The following HMG20A variants were observed in gnomAD, a reference collection of about 807,000 sequenced individuals.
HMG20A encodes high mobility group 20A, also known as high mobility group protein 20A.
In HMG20A, 17 loss-of-function variants were observed where a neutral mutation model predicts 43.9. That is an observed-to-expected ratio of 0.39 (90% CI 0.27 to 0.58). The LOEUF (loss-of-function observed/expected upper bound fraction) is 0.58. Among genes scored for constraint, HMG20A ranks in the 20% least tolerant of loss-of-function variants. The probability of loss-of-function intolerance (pLI) is 0.59; values close to 1 mark genes in which losing one functional copy is unlikely to be tolerated. For synonymous variants in HMG20A, 132 were observed against 147.5 expected (o/e 0.89, Z 0.76); for missense variants, 341 against 438.2 (o/e 0.78, Z 1.98).
At position 77,484,732 on chromosome 15, in the gene HMG20A, T is replaced by C. The variant is rs1192999344; in HGVS notation, c.*1769T>C. 6.6e-6 allele frequency: 1 copy of C among 152,280 alleles called. No homozygotes were observed. The allele number at this position is 152,280 out of a possible 1,614,324, so 9.4% of individuals were successfully genotyped here. A position where few individuals can be genotyped will look rare whatever the true frequency, so the allele number is the denominator to read the frequency against. On this transcript the variant is annotated 3_prime_UTR_variant, in exon 10 of 10. Coordinates refer to ENST00000336216, the MANE Select transcript of HMG20A (RefSeq NM_001304504.2). Reference sequence around the variant, plus strand: ...ATAAACCTAGCCAGTTCTCTTGCTCTTCTGTATTTTCCTATTTCCCTGCCA... The same window carrying C: ...ATAAACCTAGCCAGTTCTCTTGCTCCTCTGTATTTTCCTATTTCCCTGCCA...
chr15:77,421,133 C>A, intron 1 of HMG20A, 129 bp downstream of exon 1: 1 of 362,222 alleles, frequency 2.8e-6, no homozygotes, highest in Non-Finnish European at 4.9e-6. Context: ...GGGGGCGCCT[C>A]AACTTCCGGT....
At chr15:77,497,682 A>AGAGTGTGTGTGT in the HMG20A span, among the ~76,000 whole-genome samples, 16 of 118,982 alleles carry the variant, frequency 1.3e-4, no homozygotes, top group African/African-American at 5.1e-4. Flanking sequence ...AGAGAGAGAG[A>AGAGTGTGTGTGT]GTGTGTGTGT....
the HMG20A span, among the ~76,000 whole-genome samples, chr15:77,499,795 TA>T: frequency 6.6e-6 from 1 of 152,122 alleles, no homozygotes; most frequent in African/African-American, 2.4e-5. Context: ...GCAACTTTTC[TA>T]AAATGCAAGA....
chr15:77,448,350 ACCT>A (rs2073698094), intron 1 of HMG20A, among the ~76,000 whole-genome samples: 2 of 151,988 alleles, frequency 1.3e-5, no homozygotes, highest in South Asian at 4.2e-4. Flanking sequence ...CACATTTGCC[ACCT>A]CCTCAGTCAC....
At chr15:77,444,424 C>G (rs2073650629) in intron 1 of HMG20A, among the ~76,000 whole-genome samples, 1 of 152,096 alleles carries the variant, frequency 6.6e-6, no homozygotes, top group Admixed American at 6.5e-5. Context: ...CAGATTTTGT[C>G]AGATTTTAGT....
the HMG20A span, among the ~76,000 whole-genome samples, chr15:77,504,194 C>A: frequency 6.6e-6 from 1 of 152,176 alleles, no homozygotes; most frequent in Non-Finnish European, 1.5e-5. Flanking sequence ...CCTGTGGGAA[C>A]AAGAGGAAAT....
intron 1 of HMG20A, among the ~76,000 whole-genome samples, chr15:77,453,843 A>T (rs1295815394): frequency 6.6e-6 from 1 of 152,134 alleles, no homozygotes; most frequent in Admixed American, 6.5e-5. Flanking sequence ...GTATGATTCT[A>T]TTTATATGAA....
intron 4 of HMG20A, among the ~76,000 whole-genome samples, chr15:77,467,651 T>G (rs958388210): frequency 2.0e-5 from 3 of 152,210 alleles, no homozygotes; most frequent in Admixed American, 6.5e-5. Flanking sequence ...GTGAATTAAA[T>G]GAGAAAAAGT....
At chr15:77,467,461 C>G (rs1452270250) in intron 4 of HMG20A, among the ~76,000 whole-genome samples, 154 bp downstream of exon 4, 1 of 152,214 alleles carries the variant, frequency 6.6e-6, no homozygotes, top group East Asian at 1.9e-4. Context: ...GCAATTTTCT[C>G]TAGCCTAGTG....
chr15:77,445,881 T>G (rs1315552865), intron 1 of HMG20A, among the ~76,000 whole-genome samples: 4 of 152,212 alleles, frequency 2.6e-5, no homozygotes, highest in African/African-American at 9.6e-5. Flanking sequence ...AGTGTATAAC[T>G]TAAAACTTAT....
Position 77,458,504 on chromosome 15 carries a change from G to A in HMG20A, c.89+8G>A. 6.3e-7 allele frequency: 1 copy of A among 1,594,608 alleles called. No homozygotes were observed. The highest frequency in any genetic ancestry group is 8.6e-7 in the Non-Finnish European group (1 of 1,162,544). On this transcript the variant is annotated splice_region_variant and intron_variant, in intron 2 of 9. Coordinates refer to ENST00000336216, the MANE Select transcript of HMG20A (RefSeq NM_001304504.2). ...TGATCTGGCTACCACTGGGTAAGCAGCTGCTTTAGGACACTGGACTTCTCC... is the reference window on the plus strand; with the variant it reads ...TGATCTGGCTACCACTGGGTAAGCAACTGCTTTAGGACACTGGACTTCTCC...
At chr15:77,427,423 T>C (rs1278518387) in intron 1 of HMG20A, among the ~76,000 whole-genome samples, 1 of 152,194 alleles carries the variant, frequency 6.6e-6, no homozygotes, top group East Asian at 1.9e-4. Context: ...CTAGATATGA[T>C]ACCTACATTT....
chr15:77,479,525 T>G, intron 9 of HMG20A: 1 of 497,378 alleles, frequency 2.0e-6, no homozygotes, highest in Non-Finnish European at 3.5e-6. Context: ...CTTGGGAGGC[T>G]GAGGTGGGAG....
At chr15:77,490,366 CAG>C (rs772728669), downstream of HMG20A, among the ~76,000 whole-genome samples, 1 of 152,118 alleles carries the variant, frequency 6.6e-6, no homozygotes, top group Non-Finnish European at 1.5e-5. Flanking sequence ...AGAGAAGAAT[CAG>C]AGAGACTAGG....
chr15:77,515,757 A>C, the HMG20A span, among the ~76,000 whole-genome samples: 1 of 152,142 alleles, frequency 6.6e-6, no homozygotes, highest in African/African-American at 2.4e-5. Context: ...CTGCATGAAC[A>C]TGGGGCCACC....
chr15:77,480,476 G>A (rs1252937415), intron 9 of HMG20A, among the ~76,000 whole-genome samples: 2 of 151,704 alleles, frequency 1.3e-5, no homozygotes, highest in Non-Finnish European at 2.9e-5. Context: ...AGCTGAGCAT[G>A]ATGGCGCACA....
intron 1 of HMG20A, among the ~76,000 whole-genome samples, chr15:77,426,691 G>A (rs985217856): frequency 1.6e-4 from 25 of 152,118 alleles, no homozygotes; most frequent in African/African-American, 4.8e-4. Flanking sequence ...TACACTAAAG[G>A]GGTCAGTTTT....
chr15:77,496,793 T>G, the HMG20A span, among the ~76,000 whole-genome samples: 23 of 152,078 alleles, frequency 1.5e-4, no homozygotes, highest in African/African-American at 5.6e-4. Context: ...CAAGGCAAAT[T>G]CCCCACATTC....
chr15:77,519,694 A>G, the HMG20A span, among the ~76,000 whole-genome samples: 2 of 152,208 alleles, frequency 1.3e-5, no homozygotes, highest in African/African-American at 4.8e-5. Context: ...TCAGAACTGC[A>G]AGCAAAAAAA....
Sources: gnomAD v4.1 joint callset for allele counts (sites outside exome capture counted in the v4.1 genomes callset) on GRCh38, gnomAD v4.1.1 for gene constraint, MANE v1.5 for transcripts, NCBI Gene and HGNC (gene_info 2026-07-23, HGNC 2026-07-21) for gene names.